Variants in RASSF6 observed in about 807,000 individuals in gnomAD.
RASSF6 encodes Ras association domain family member 6.
In RASSF6, 52 loss-of-function variants were observed where a neutral mutation model predicts 44.0. The observed-to-expected ratio is 1.18, with a 90% confidence interval of 0.95 to 1.49. The LOEUF (loss-of-function observed/expected upper bound fraction) is 1.49. Ranked by LOEUF, RASSF6 falls within the 40% of genes most tolerant of loss-of-function variation. The probability of loss-of-function intolerance (pLI) is 0.00; values close to 1 mark genes in which losing one functional copy is unlikely to be tolerated. For missense variants in RASSF6, 464 were observed against 393.3 expected (o/e 1.18, Z -1.52); for synonymous variants, 162 against 124.6 (o/e 1.30, Z -2.00).
At chr4:73,602,788 A>G (rs1205094002) in intron 2 of RASSF6, among the ~76,000 whole-genome samples, 3 of 152,184 alleles carry the variant, frequency 2.0e-5, no homozygotes, top group Non-Finnish European at 4.4e-5. Context: ...GGCACGCCCA[A>G]GAAATAGACA....
At chr4:73,596,758 C>G (rs1283626719) in intron 3 of RASSF6, among the ~76,000 whole-genome samples, 1 of 152,162 alleles carries the variant, frequency 6.6e-6, no homozygotes, top group Admixed American at 6.5e-5. Context: ...CAGCATGATA[C>G]TGGTACGAGA....
chr4:73,620,524 C>T (rs577467593), upstream of RASSF6: 1,032 of 1,495,144 alleles, frequency 6.9e-4, 3 homozygotes, highest in Non-Finnish European at 8.2e-4. Context: ...GCTTGCAGTG[C>T]CCCCGACGCG....
chr4:73,619,499 A>G (rs188835184), intron 1 of RASSF6, among the ~76,000 whole-genome samples: 2 of 152,264 alleles, frequency 1.3e-5, no homozygotes, highest in Admixed American at 1.3e-4. Context: ...TTGGCAGAGC[A>G]GCTTATTCTT....
intron 1 of RASSF6, among the ~76,000 whole-genome samples, chr4:73,613,228 C>A (rs1356719248): frequency 1.3e-5 from 2 of 152,182 alleles, no homozygotes; most frequent in Non-Finnish European, 2.9e-5. Flanking sequence ...AGGTCTCATG[C>A]AGGACACCTG....
chr4:73,593,283 C>T (rs1273575329), intron 4 of RASSF6, among the ~76,000 whole-genome samples, 168 bp downstream of exon 4: 12 of 151,926 alleles, frequency 7.9e-5, no homozygotes, highest in Admixed American at 1.3e-4. Flanking sequence ...CCCGAAGTGC[C>T]GGGATTACAG....
chr4:73,595,356 G>C (rs1184692971), intron 3 of RASSF6, among the ~76,000 whole-genome samples: 1 of 151,926 alleles, frequency 6.6e-6, no homozygotes, highest in Non-Finnish European at 1.5e-5. Context: ...ACCATGCCTG[G>C]GTAATTTTTG....
intron 1 of RASSF6, among the ~76,000 whole-genome samples, chr4:73,613,324 C>T (rs1355258724): frequency 2.0e-5 from 3 of 152,084 alleles, no homozygotes; most frequent in Admixed American, 2.0e-4. Context: ...TTTATGCTGC[C>T]TTGGGCACAC....
intron 2 of RASSF6, among the ~76,000 whole-genome samples, chr4:73,606,265 C>A (rs1244797947): frequency 6.6e-6 from 1 of 152,160 alleles, no homozygotes; most frequent in Non-Finnish European, 1.5e-5. Context: ...TCCTTTGCAG[C>A]AATATGGATG....
chr4:73,585,217 T>A lies in RASSF6; in HGVS notation c.530A>T (p.Asn177Ile). 8 of 1,610,924 alleles carry A rather than the reference T, an allele frequency of 5.0e-6. No individual in the cohort carries two copies. Among genetic ancestry groups the A allele is most frequent in the African/African-American group, 1.3e-5 (1 of 74,744 alleles). The change falls in exon 6 of 11, where the codon AAT (asparagine) becomes ATT (isoleucine). Residue 177 changes from asparagine (N) to isoleucine (I), a missense_variant. By Grantham distance (149) the Asn-to-Ile change is moderately radical. Transcript: ENST00000307439. Reference sequence around the variant, plus strand: ...GAAGTGTCCATTAATAGAGGCTCTATTTTTCTGTCTTTCTTTTCTGTCCAT... The same window carrying A: ...GAAGTGTCCATTAATAGAGGCTCTAATTTTCTGTCTTTCTTTTCTGTCCAT... ...LMMDRKERQKNRASINGHFYN... is the reference protein window; with the variant it reads ...LMMDRKERQKIRASINGHFYN...
intron 8 of RASSF6, among the ~76,000 whole-genome samples, chr4:73,578,643 T>C (rs941002019): frequency 4.0e-5 from 6 of 151,510 alleles, no homozygotes; most frequent in Admixed American, 3.9e-4. Flanking sequence ...TTTCTCTTTT[T>C]TTTTTTTTTA....
chr4:73,607,882 T>C (rs1288287657), intron 2 of RASSF6, among the ~76,000 whole-genome samples: 1 of 124,548 alleles, frequency 8.0e-6, no homozygotes, highest in Non-Finnish European at 1.7e-5. Context: ...TGCTCTCCTC[T>C]CCTCCAACCC....
At chr4:73,609,878 G>A (rs1312428827) in intron 2 of RASSF6, among the ~76,000 whole-genome samples, 2 of 152,096 alleles carry the variant, frequency 1.3e-5, no homozygotes, top group African/African-American at 4.8e-5. Flanking sequence ...GAAGTTCTCA[G>A]AACTTTAATC....
intron 1 of RASSF6, among the ~76,000 whole-genome samples, chr4:73,618,209 T>A (rs943863580): frequency 4.0e-5 from 6 of 151,718 alleles, no homozygotes; most frequent in African/African-American, 1.5e-4. Context: ...GACCACAACA[T>A]TTAATAGTTT....
chr4:73,615,922 G>A (rs1022729981), intron 1 of RASSF6: 1 of 1,550,278 alleles, frequency 6.5e-7, no homozygotes. Context: ...GAGGCCAGAG[G>A]ACAGGAAGTG....
chr4:73,616,136 A>G (rs538439070), intron 1 of RASSF6, among the ~76,000 whole-genome samples: 57 of 152,302 alleles, frequency 3.7e-4, no homozygotes, highest in South Asian at 1.7e-3. Flanking sequence ...CTATATCTAT[A>G]GCCTCTTATT....
chr4:73,584,525 A>C (rs1163079998), intron 6 of RASSF6, among the ~76,000 whole-genome samples: 1 of 152,186 alleles, frequency 6.6e-6, no homozygotes, highest in Non-Finnish European at 1.5e-5. Flanking sequence ...CTAAACTACA[A>C]CTACACTTAT....
chr4:73,595,179 TA>T (rs1724844944), intron 3 of RASSF6, among the ~76,000 whole-genome samples: 1 of 152,138 alleles, frequency 6.6e-6, no homozygotes, highest in Admixed American at 6.5e-5. Context: ...GAAACTATTT[TA>T]AAAAATTAAA....
intron 2 of RASSF6, 50 bp downstream of exon 2, chr4:73,611,681 C>A: frequency 8.1e-7 from 1 of 1,227,816 alleles, no homozygotes; most frequent in Non-Finnish European, 1.2e-6. Context: ...CGGTATATTC[C>A]ACAAATGACT....
chr4:73,618,301 T>TTTATCTATCTATCTATCTATCTATC, intron 1 of RASSF6, among the ~76,000 whole-genome samples: 1 of 150,330 alleles, frequency 6.7e-6, no homozygotes, highest in East Asian at 2.0e-4. Flanking sequence ...TATAAAGTTG[T>TTTATCTATCTATCTATCTATCTATC]TATCTATCTA....
Sources: gnomAD v4.1 joint callset for allele counts (sites outside exome capture counted in the v4.1 genomes callset) on GRCh38, gnomAD v4.1.1 for gene constraint, MANE v1.5 for transcripts, NCBI Gene and HGNC (gene_info 2026-07-23, HGNC 2026-07-21) for gene names.